The following GOLT1B variants were observed in gnomAD, a reference collection of about 807,000 sequenced individuals.
The protein encoded by GOLT1B is vesicle transport protein GOT1B.
In GOLT1B, 3 loss-of-function variants were observed where a neutral mutation model predicts 15.4. That is an observed-to-expected ratio of 0.19 (90% CI 0.09 to 0.50). GOLT1B has a LOEUF of 0.50. Among genes scored for constraint, GOLT1B ranks in the 20% least tolerant of loss-of-function variants. The pLI is 0.97. For synonymous variants in GOLT1B, 65 were observed against 56.2 expected, an observed-to-expected ratio of 1.16 and a Z score of -0.70; for missense variants, 145 against 160.4, an observed-to-expected ratio of 0.90 and a Z score of 0.52.
chr12:21,517,086 A>C lies in GOLT1B; in HGVS notation c.*1379A>C, dbSNP rs73079387. 8,344 of 152,508 alleles carry C rather than the reference A, an allele frequency of 0.055. 437 individuals carry two copies. Among genetic ancestry groups the C allele is most frequent in the African/African-American group, 0.14 (5,617 of 41,498 alleles). The allele number at this position is 152,508 out of a possible 1,614,324, so 9.4% of individuals were successfully genotyped here. ...TGTTTTGTTTTTTTAACAGTTGCAA[A>C]GCTTTTTAATGCATAAAAGTATAAT... On this transcript the variant is annotated 3_prime_UTR_variant, in exon 5 of 5. Coordinates refer to ENST00000229314, the MANE Select transcript of GOLT1B (RefSeq NM_016072.5).
intron 1 of GOLT1B, chr12:21,504,431 CCAGTACCAGTTGT>C: frequency 2.4e-6 from 1 of 422,230 alleles, no homozygotes; most frequent in Non-Finnish European, 4.9e-6. Flanking sequence ...AATGTCATTG[CCAGTACCAGTTGT>C]GGCAAAGATG....
At chr12:21,515,280 AAT>A (rs759754006) in intron 4 of GOLT1B, 34 of 1,383,454 alleles carry the variant, frequency 2.5e-5, no homozygotes, top group South Asian at 1.9e-4. Flanking sequence ...GGTCAGTTGA[AAT>A]ATCTTATTGG....
Position 21,512,297 on chromosome 12 carries a change from G to T in GOLT1B, c.299G>T (p.Gly100Val), listed in dbSNP as rs1943725602. ...EIYGFFLLFR[G>V]FFPVVVGFIR... ...AACCTTTTTTTTCCCTCTCCCAGGG[G>T]CTTCTTTCCTGTCGTTGTTGGCTTT... is the stretch of plus-strand genomic sequence containing the variant. Residue 100 changes from glycine (G) to valine (V), a missense_variant and splice_region_variant, in exon 4 of 5, where the codon GGC becomes GTC. Gly to Val is a moderately radical substitution (Grantham distance 109). Transcript: ENST00000229314. The T allele has an allele frequency of 6.6e-7, 1 of 1,521,310 alleles. No homozygotes were observed. Among genetic ancestry groups the T allele is most frequent in the Non-Finnish European group, 9.1e-7 (1 of 1,098,432 alleles). 94.2% of individuals were successfully genotyped at this position (1,521,310 alleles called of 1,614,324 possible).
rs774362850 is a variant in GOLT1B at position 21,512,327 on chromosome 12, G to A, written c.329G>A (p.Arg110Lys). 3 of 1,579,672 alleles carry A rather than the reference G, an allele frequency of 1.9e-6. No individual in the cohort carries two copies. In the South Asian group the frequency reaches 3.3e-5, roughly 18 times the overall value. ...GFFPVVVGFI[R>K]RVPVLGSLLN... ...TTTCCTGTCGTTGTTGGCTTTATTA[G>A]AAGAGTGCCAGTCCTTGGATCCCTC... Residue 110 changes from arginine (R) to lysine (K), a missense_variant, in exon 4 of 5, where the codon AGA (arginine) becomes AAA (lysine). Physicochemically the swap from Arg to Lys is conservative, Grantham distance 26 (BLOSUM62 2). Coordinates refer to ENST00000229314, the MANE Select transcript of GOLT1B (RefSeq NM_016072.5).
At chr12:21,514,841 A>T (rs1317115125) in intron 4 of GOLT1B, among the ~76,000 whole-genome samples, 1 of 151,812 alleles carries the variant, frequency 6.6e-6, no homozygotes. Flanking sequence ...ATTCATCATG[A>T]TAAGTGCTTA....
chr12:21,504,831 A>G (rs1176578945), intron 1 of GOLT1B, among the ~76,000 whole-genome samples: 2 of 152,236 alleles, frequency 1.3e-5, no homozygotes, highest in African/African-American at 4.8e-5. Context: ...CTACTTGGCT[A>G]TGTTAGATAA....
At chr12:21,507,584 A>G (rs1943688773) in intron 2 of GOLT1B, among the ~76,000 whole-genome samples, 1 of 151,958 alleles carries the variant, frequency 6.6e-6, no homozygotes, top group African/African-American at 2.4e-5. Flanking sequence ...GGAAATGGGA[A>G]AAGATAAAGA....
In GOLT1B at chr12:21,515,849, C is replaced by A; in HGVS notation, c.*142C>A. 2.0e-6 allele frequency: 1 copy of A among 506,476 alleles called. No individual in the cohort carries two copies. Among genetic ancestry groups the A allele is most frequent in the Non-Finnish European group, 3.4e-6 (1 of 291,226 alleles). The allele number at this position is 506,476 out of a possible 1,614,324, so 31.4% of individuals were successfully genotyped here. A position where few individuals can be genotyped will look rare whatever the true frequency, so the allele number is the denominator to read the frequency against. On this transcript the variant is annotated 3_prime_UTR_variant, in exon 5 of 5. Transcript: ENST00000229314. ...TTAAAACGTATAGCCTACAAAGTAC[C>A]AGCAGCAAATTAGCAAAGAAGCAGT...
intron 4 of GOLT1B, among the ~76,000 whole-genome samples, chr12:21,514,171 C>A (rs1224498998): frequency 6.6e-6 from 1 of 152,178 alleles, no homozygotes; most frequent in Non-Finnish European, 1.5e-5. Flanking sequence ...TATTCATATC[C>A]TTCTTTGGAT....
At chr12:21,509,336 T>G (rs535220200) in intron 3 of GOLT1B, among the ~76,000 whole-genome samples, 1 of 128,256 alleles carries the variant, frequency 7.8e-6, no homozygotes, top group Non-Finnish European at 1.5e-5. Flanking sequence ...GAGGCGGAAG[T>G]TGCAGTGAGC....
Position 21,515,665 on chromosome 12 carries a change from A to AT in GOLT1B, c.379-4_379-3insT. ...TTAATTCTCTGTTTTTCTTCTCCTT[A>AT]CAGTTTGTAGATAAAGTTGGAGAAA... On this transcript the variant is annotated splice_region_variant and splice_polypyrimidine_tract_variant and intron_variant, in intron 4 of 4. Transcript: ENST00000229314. The AT allele has an allele frequency of 7.5e-7, 1 of 1,342,088 alleles. No individual in the cohort carries two copies. The highest frequency in any genetic ancestry group is 1.1e-6 in the Non-Finnish European group (1 of 942,624). The allele number at this position is 1,342,088 out of a possible 1,614,324, so 83.1% of individuals were successfully genotyped here.
intron 1 of GOLT1B, 148 bp downstream of exon 1, chr12:21,502,096 G>A (rs538787464): frequency 1.4e-4 from 97 of 680,154 alleles, no homozygotes; most frequent in Middle Eastern, 6.5e-4. Context: ...GACCCTAAGG[G>A]GCTGCCTTCG....
rs1311774868 is a variant in GOLT1B at position 21,516,087 on chromosome 12, T to C, written c.*380T>C. ...AGGAGCATCCATAGGCATTTGCTTT[T>C]TAGAAATGTCCACTGCAATGGCAAA... On this transcript the variant is annotated 3_prime_UTR_variant, in exon 5 of 5. Transcript: ENST00000229314. The C allele has an allele frequency of 1.2e-5, 2 of 167,186 alleles. No homozygotes were observed. Among genetic ancestry groups the C allele is most frequent in the Admixed American group, 1.3e-4 (2 of 15,634 alleles). The allele number at this position is 167,186 out of a possible 1,614,324, so 10.4% of individuals were successfully genotyped here. A position where few individuals can be genotyped will look rare whatever the true frequency, so the allele number is the denominator to read the frequency against.
intron 1 of GOLT1B, among the ~76,000 whole-genome samples, chr12:21,506,550 G>A (rs1435107692): frequency 1.3e-5 from 2 of 152,002 alleles, no homozygotes; most frequent in African/African-American, 4.8e-5. Flanking sequence ...TATGTCTGAT[G>A]CGAGAGAGCT....
chr12:21,513,043 G>A (rs537841517), intron 4 of GOLT1B, among the ~76,000 whole-genome samples: 5 of 145,966 alleles, frequency 3.4e-5, no homozygotes, highest in African/African-American at 1.3e-4. Flanking sequence ...CTTTAGCCTG[G>A]GTGGGTGACA....
chr12:21,513,819 G>A (rs1943737512), intron 4 of GOLT1B, among the ~76,000 whole-genome samples: 1 of 152,270 alleles, frequency 6.6e-6, no homozygotes, highest in South Asian at 2.1e-4. Context: ...AAAAGAGAAA[G>A]GAAAGGAGAA....
intron 2 of GOLT1B, chr12:21,507,826 G>C: frequency 2.7e-6 from 1 of 376,614 alleles, no homozygotes; most frequent in Admixed American, 3.2e-5. Context: ...ACACATGGTT[G>C]TATTTTTATT....
chr12:21,515,080 A>T (rs1943746647), intron 4 of GOLT1B, among the ~76,000 whole-genome samples: 1 of 151,924 alleles, frequency 6.6e-6, no homozygotes, highest in South Asian at 2.1e-4. Flanking sequence ...GTTAAAATTT[A>T]TATTCAATAA....
chr12:21,507,184 A>G (rs1943684876), intron 2 of GOLT1B: 1 of 570,874 alleles, frequency 1.8e-6, no homozygotes, highest in Non-Finnish European at 3.2e-6. Context: ...TAATTCCATA[A>G]CTACTCTGTT....
Sources: allele counts gnomAD v4.1 joint callset (sites outside exome capture counted in the v4.1 genomes callset), GRCh38; gene constraint gnomAD v4.1.1; transcripts MANE v1.5; gene names NCBI Gene and HGNC (gene_info 2026-07-23, HGNC 2026-07-21).